The following ITPR2 variants were observed in gnomAD, a reference collection of about 807,000 sequenced individuals.
ITPR2 encodes inositol 1,4,5-trisphosphate receptor type 2.
In ITPR2, 207 loss-of-function variants were observed where a neutral mutation model predicts 317.1. The ratio of observed to expected loss-of-function variants is 0.65; its 90% CI spans 0.58 to 0.73. The LOEUF (loss-of-function observed/expected upper bound fraction) is 0.73. Among genes scored for constraint, ITPR2 ranks in the 30% least tolerant of loss-of-function variants. The probability of loss-of-function intolerance (pLI) is 0.00; values close to 1 mark genes in which losing one functional copy is unlikely to be tolerated. For synonymous variants in ITPR2, 1,156 were observed against 1,149.1 expected (o/e 1.01, Z -0.12); for missense variants, 2,613 against 3,284.0 (o/e 0.80, Z 4.99).
At chr12:26,690,811 T>C (rs11048655) in intron 10 of ITPR2, among the ~76,000 whole-genome samples, 8,610 of 152,174 alleles carry the variant, frequency 0.057, 366 homozygotes, top group South Asian at 0.11. Flanking sequence ...CCAGTTAGGG[T>C]TAATTAAAAG....
At chr12:26,629,399 C>T (rs1306895106) in intron 22 of ITPR2, among the ~76,000 whole-genome samples, 1 of 152,130 alleles carries the variant, frequency 6.6e-6, no homozygotes, top group Admixed American at 6.5e-5. Context: ...CCAGCCTGGG[C>T]AACATGGCGA....
rs540971850 is a variant in ITPR2 at position 26,340,268 on chromosome 12, C to T, written c.7918G>A (p.Asp2640Asn). The T allele has an allele frequency of 1.2e-5, 20 of 1,611,296 alleles. No individual in the cohort carries two copies. The highest frequency in any genetic ancestry group is 2.2e-5 in the South Asian group (2 of 90,152). The change falls in exon 56 of 57, where the codon GAC (aspartate) becomes AAC (asparagine). Residue 2640 changes from aspartate (D) to asparagine (N), a missense_variant. Physicochemically the swap from Asp to Asn is conservative, Grantham distance 23 (BLOSUM62 1). This residue lies in a region of ITPR2 where 119 missense variants were observed against 144.3 expected (regional missense o/e 0.82). Transcript: ENST00000381340. ...CTCCGAATTTCATTTTGCTCACTGT[C>T]GCCTTCATTGCTAACGAGGGACATG... ...RAMSLVSNEG[D>N]SEQNEIRSLQ...
chr12:26,794,562 C>T (rs755001109), intron 1 of ITPR2, among the ~76,000 whole-genome samples: 6 of 152,072 alleles, frequency 3.9e-5, no homozygotes, highest in African/African-American at 1.4e-4. Flanking sequence ...CTATATTCCC[C>T]GTGATGAGAT....
chr12:26,424,906 C>T lies in ITPR2; in HGVS notation c.6945+3007G>A, dbSNP rs547175874. On this transcript the variant is annotated intron_variant, in intron 49 of 56. Transcript: ENST00000381340. The stretch of plus-strand genomic sequence containing the variant: ...TCTGGAGTAGCTGGGACTACAGGTA[C>T]GCACCATCATGCCATACTAATTTTT... Among the ~76,000 whole-genome samples, 25 of 151,874 alleles carry T rather than the reference C, an allele frequency of 1.6e-4. No homozygotes were observed. The East Asian group carries it at 1.9e-3, about 12-fold the overall frequency.
chr12:26,831,900 C>CATAA lies in ITPR2; in HGVS notation c.92+789_92+790insTTAT, dbSNP rs200587960. Among the ~76,000 whole-genome samples, 21,480 of 141,334 alleles carry CATAA rather than the reference C, an allele frequency of 0.15. 2,172 individuals are homozygous for CATAA. The highest frequency in any genetic ancestry group is 0.21 in the East Asian group (1,018 of 4,888). The allele number at this position is 141,334 out of a possible 152,430, so 92.7% of individuals were successfully genotyped here. ...AATATATATTTCCCTCATTCATAAA[C>CATAA]ATATATACATATATGTGTATATATA... On this transcript the variant is annotated intron_variant, in intron 1 of 56. Transcript: ENST00000381340. The surrounding 1 kb of genome is among the most constrained non-coding windows in gnomAD (Gnocchi z 4.9).
chr12:26,803,039 A>G (rs1950585989), intron 1 of ITPR2, among the ~76,000 whole-genome samples: 1 of 152,218 alleles, frequency 6.6e-6, no homozygotes. Context: ...TGGTTTTCAT[A>G]TCCCCATTCT....
chr12:26,686,630 T>C lies in ITPR2; in HGVS notation c.999A>G (p.Arg333=). 1 of 1,604,492 alleles carries C rather than the reference T, an allele frequency of 6.2e-7. No individual in the cohort carries two copies. Among genetic ancestry groups the C allele is most frequent in the Non-Finnish European group, 8.5e-7 (1 of 1,176,236 alleles). The change falls in exon 11 of 57, where the codon AGA becomes AGG. Residue 333 remains arginine, a splice_region_variant and synonymous_variant. Coordinates refer to ENST00000381340, the MANE Select transcript of ITPR2 (RefSeq NM_002223.4). The part of the protein sequence containing the change: ...RDAQNEGKNV[R]DGVPPTSKKK... ...TCTTTGAAGTTGGAGGGACTCCATC[T>C]CTCTGTTGAGGAAGTACAAGTTTAT...
intron 2 of ITPR2, among the ~76,000 whole-genome samples, chr12:26,770,330 G>A (rs1360227058): frequency 6.6e-6 from 1 of 152,124 alleles, no homozygotes; most frequent in African/African-American, 2.4e-5. Context: ...TGGGTCGACT[G>A]AGCTTCTAAC....
intron 2 of ITPR2, among the ~76,000 whole-genome samples, chr12:26,771,376 C>T (rs1475823783): frequency 2.0e-5 from 3 of 152,146 alleles, no homozygotes; most frequent in Admixed American, 2.0e-4. Context: ...CCTTGGAAGC[C>T]ACGTGCTGCG....
chr12:26,657,760 A>G lies in ITPR2; in HGVS notation c.2139T>C (p.Ala713=), dbSNP rs41276666. The change falls in exon 18 of 57, where the codon GCT becomes GCC. Residue 713 remains alanine, a synonymous_variant. Transcript: ENST00000381340. ...CTTTGGTGCCTTCTTTTGCCTCTTG[A>G]GCAAGGTGCCTGATAGCTTTGCCAT... ...EPHGKAIRHL[A]QEAKEGTKAD... is the part of the protein sequence containing the mutation. 2 of 1,614,168 alleles carry G rather than the reference A, an allele frequency of 1.2e-6. No individual in the cohort carries two copies. Among genetic ancestry groups the G allele is most frequent in the Non-Finnish European group, 1.7e-6 (2 of 1,180,028 alleles).
chr12:26,475,452 G>T lies in ITPR2; in HGVS notation c.6220-34C>A, dbSNP rs531058098. 91 of 1,598,468 alleles carry T rather than the reference G, an allele frequency of 5.7e-5. 1 individual carries two copies. The South Asian group carries it at 9.6e-4, about 17-fold the overall frequency. On this transcript the variant is annotated intron_variant, in intron 44 of 56. Transcript: ENST00000381340. ...AAAAAAAAAGAATATTGAAATGCCA[G>T]AAACAACATCTGCTTTATATTTTTA...
At chr12:26,760,147 G>C (rs1306713260) in intron 2 of ITPR2, among the ~76,000 whole-genome samples, 1 of 152,018 alleles carries the variant, frequency 6.6e-6, no homozygotes, top group Non-Finnish European at 1.5e-5. Flanking sequence ...TAGTACTCAG[G>C]GTGCAGCAAA....
chr12:26,416,775 A>G (rs950198416), intron 50 of ITPR2, among the ~76,000 whole-genome samples: 2 of 152,212 alleles, frequency 1.3e-5, no homozygotes, highest in African/African-American at 4.8e-5. Context: ...CAAATTGTCA[A>G]CACTGTGGCT....
chr12:26,821,142 T>C (rs139024508), intron 1 of ITPR2, among the ~76,000 whole-genome samples: 2 of 152,354 alleles, frequency 1.3e-5, no homozygotes, highest in Non-Finnish European at 2.9e-5. Flanking sequence ...ATTTTATGTA[T>C]ATTTTATCGC....
At chr12:26,471,542 T>C (rs1942291163) in intron 45 of ITPR2, among the ~76,000 whole-genome samples, 1 of 152,182 alleles carries the variant, frequency 6.6e-6, no homozygotes, top group African/African-American at 2.4e-5. Flanking sequence ...TAGTTTTATG[T>C]AGATCAGACA....
intron 45 of ITPR2, among the ~76,000 whole-genome samples, chr12:26,448,805 C>G (rs535419363): frequency 2.0e-5 from 3 of 152,022 alleles, no homozygotes; most frequent in African/African-American, 7.2e-5. Flanking sequence ...AGATGCATCA[C>G]TAAATAGGAA....
At chr12:26,448,982 G>T (rs758517337) in intron 45 of ITPR2, among the ~76,000 whole-genome samples, 4 of 151,968 alleles carry the variant, frequency 2.6e-5, no homozygotes, top group Non-Finnish European at 5.9e-5. Context: ...CATTTTTAGT[G>T]GCACCCTTTA....
chr12:26,789,464 G>A (rs776616332), intron 2 of ITPR2, among the ~76,000 whole-genome samples: 2 of 151,864 alleles, frequency 1.3e-5, no homozygotes, highest in Non-Finnish European at 2.9e-5. Flanking sequence ...GAGAATGAAT[G>A]GTTATACATT....
In ITPR2 at chr12:26,666,132, G is replaced by GA. The variant is rs1947623057; in HGVS notation, c.1410-82_1410-81insT. ...GTATAGATAGATGATAGGTAGGTAG[G>GA]TAGAGATAGATAGATAGATAGATAG... On this transcript the variant is annotated intron_variant, in intron 13 of 56. Coordinates refer to ENST00000381340, the MANE Select transcript of ITPR2 (RefSeq NM_002223.4). 6.8e-5 allele frequency: 20 copies of GA among 292,970 alleles called. No homozygotes were observed. In the Admixed American group the frequency reaches 8.3e-4, roughly 12 times the overall value. 18.1% of individuals were successfully genotyped at this position (292,970 alleles called of 1,614,324 possible). A position where few individuals can be genotyped will look rare whatever the true frequency, so the allele number is the denominator to read the frequency against.
Sources: allele counts gnomAD v4.1 joint callset (sites outside exome capture counted in the v4.1 genomes callset), GRCh38; gene constraint gnomAD v4.1.1; regional missense constraint gnomAD v4.1.1; non-coding constraint Gnocchi (gnomAD v3.1); transcripts MANE v1.5; gene names NCBI Gene and HGNC (gene_info 2026-07-23, HGNC 2026-07-21).